Variants in MYL6B observed in about 807,000 individuals in gnomAD.
MYL6B encodes the protein myosin alkali light chain 1 slow a.
Under a neutral mutation model 24.5 loss-of-function variants are expected in MYL6B, and 19 were observed. The ratio of observed to expected loss-of-function variants is 0.78; its 90% CI spans 0.54 to 1.14. The LOEUF (loss-of-function observed/expected upper bound fraction) is 1.14, where lower values mean the gene tolerates loss of function less well. Ranked by LOEUF, MYL6B falls within the 50% of genes most tolerant of loss-of-function variation. MYL6B has a pLI of 0.00. For missense variants in MYL6B, 230 were observed against 263.8 expected (o/e 0.87, Z 0.89); for synonymous variants, 90 against 100.7 (o/e 0.89, Z 0.64).
Position 56,156,209 on chromosome 12 carries a change from G to T in MYL6B, c.520+617G>T, listed in dbSNP as rs192463369. On this transcript the variant is annotated intron_variant, in intron 5 of 6. Transcript: ENST00000553066. ...TAATCCCAGCTACCCAGGAGGCTGA[G>T]GCAGGAGAATCGCTGGAACCCGGGA... 382 of 185,576 alleles carry T rather than the reference G, an allele frequency of 2.1e-3. 4 individuals carry two copies. The highest frequency in any genetic ancestry group is 8.8e-3 in the African/African-American group (367 of 41,896). The allele number at this position is 185,576 out of a possible 1,614,324, so 11.5% of individuals were successfully genotyped here. A position where few individuals can be genotyped will look rare whatever the true frequency, so the allele number is the denominator to read the frequency against.
chr12:56,154,235 G>C, intron 2 of MYL6B, 143 bp downstream of exon 2: 1 of 819,578 alleles, frequency 1.2e-6, no homozygotes, highest in South Asian at 2.0e-5. Context: ...CCCCCATTTG[G>C]AAGCATCCAG....
intron 1 of MYL6B, among the ~76,000 whole-genome samples, chr12:56,153,060 G>A (rs574082277): frequency 6.6e-6 from 1 of 152,004 alleles, no homozygotes; most frequent in Non-Finnish European, 1.5e-5. Flanking sequence ...AATTTAAGCC[G>A]TCTCCCAGAG....
chr12:56,153,831 C>T, intron 1 of MYL6B, 42 bp from the exon 2 acceptor site: 1 of 1,401,418 alleles, frequency 7.1e-7, no homozygotes. Flanking sequence ...CTGCCCCTGC[C>T]CCCGCCCCTT....
rs539403351 is a variant in MYL6B, at chr12:56,154,801, T to G, written c.175-12T>G. On this transcript the variant is annotated splice_polypyrimidine_tract_variant and intron_variant, in intron 2 of 6. Coordinates refer to ENST00000553066, the Ensembl canonical transcript of MYL6B. The stretch of plus-strand genomic sequence containing the variant: ...ACTCTCATCTCTCCCCACCTGCTTT[T>G]TTCTTCCACAGATCGAGTTTAACAA... The G allele has an allele frequency of 2.0e-4, 316 of 1,612,466 alleles. 1 individual carries two copies. In the South Asian group the frequency reaches 3.4e-3, roughly 17 times the overall value.
At chr12:56,157,816 A>G in exon 7 of MYL6B, 10 of 1,508,148 alleles carry the variant, frequency 6.6e-6, no homozygotes, top group Non-Finnish European at 9.0e-6. Flanking sequence ...AAAGCAGCGG[A>G]GTTCATTCTG....
chr12:56,153,118 A>G (rs1272896208), intron 1 of MYL6B, among the ~76,000 whole-genome samples: 1 of 152,026 alleles, frequency 6.6e-6, no homozygotes, highest in Non-Finnish European at 1.5e-5. Flanking sequence ...CAGGTTCAGC[A>G]AGCACCCTAC....
intron 4 of MYL6B, 86 bp from the exon 5 acceptor site, chr12:56,155,333 T>C: frequency 2.5e-6 from 4 of 1,594,002 alleles, no homozygotes; most frequent in South Asian, 2.3e-5. Flanking sequence ...AAATGCTGAA[T>C]AGGATGAAAG....
chr12:56,157,655 A>G lies in MYL6B; in HGVS notation c.599-43A>G, dbSNP rs74092004. 3.0e-3 allele frequency: 4,890 copies of G among 1,613,388 alleles called. 120 individuals carry two copies. The African/African-American group carries it at 0.058, about 19-fold the overall frequency. On this transcript the variant is annotated intron_variant, in intron 6 of 6. Coordinates refer to ENST00000553066, the Ensembl canonical transcript of MYL6B. The stretch of plus-strand genomic sequence containing the variant: ...TTACCTAGAGTCAGATGTATTATCC[A>G]AAGGCCTGCTTCTGAAGCCCCTCTT...
At position 56,155,039 on chromosome 12, in the gene MYL6B, C is replaced by G. The variant is rs1412724229; in HGVS notation, c.203-16C>G. 3.7e-6 allele frequency: 6 copies of G among 1,603,176 alleles called. No homozygotes were observed. The highest frequency in any genetic ancestry group is 5.1e-6 in the Non-Finnish European group (6 of 1,174,840). ...ACCCTAGTCAGTGTCTACACTGACC[C>G]TTCCTTATACTTTAGAGTTCAAGGA... On this transcript the variant is annotated splice_polypyrimidine_tract_variant and intron_variant, in intron 3 of 6. Coordinates refer to ENST00000553066, the Ensembl canonical transcript of MYL6B.
At chr12:56,154,717 C>T in intron 2 of MYL6B, 96 bp from the exon 3 acceptor site, 1 of 1,415,100 alleles carries the variant, frequency 7.1e-7, no homozygotes, top group Non-Finnish European at 9.7e-7. Context: ...TCCCTTTGGG[C>T]CCCTCCTCAG....
chr12:56,154,680 A>T (rs1330996107), intron 2 of MYL6B, 133 bp from the exon 3 acceptor site: 2 of 944,556 alleles, frequency 2.1e-6, no homozygotes, highest in African/African-American at 1.7e-5. Flanking sequence ...TGGGAATGGG[A>T]CTGAGGTGGC....
At chr12:56,154,033 G>A in exon 2 of MYL6B, 1 of 1,614,110 alleles carries the variant, frequency 6.2e-7, no homozygotes. Flanking sequence ...AGCTGAGCCA[G>A]CTGTCCCCCA....
At position 56,155,039 on chromosome 12, in the gene MYL6B, C is replaced by T. The variant is rs1412724229; in HGVS notation, c.203-16C>T. ...ACCCTAGTCAGTGTCTACACTGACC[C>T]TTCCTTATACTTTAGAGTTCAAGGA... On this transcript the variant is annotated splice_polypyrimidine_tract_variant and intron_variant, in intron 3 of 6. Coordinates refer to ENST00000553066, the Ensembl canonical transcript of MYL6B. The T allele has an allele frequency of 5.6e-6, 9 of 1,603,058 alleles. No individual in the cohort carries two copies. The highest frequency in any genetic ancestry group is 2.2e-5 in the East Asian group (1 of 44,822).
exon 5 of MYL6B, chr12:56,155,442 T>C (rs1871270533): frequency 6.2e-7 from 1 of 1,614,186 alleles, no homozygotes; most frequent in Non-Finnish European, 8.5e-7. Context: ...GCGTGTGGAC[T>C]TTGAGACTTT....
chr12:56,154,478 G>A (rs949404446), intron 2 of MYL6B, among the ~76,000 whole-genome samples: 1 of 152,242 alleles, frequency 6.6e-6, no homozygotes, highest in Non-Finnish European at 1.5e-5. Flanking sequence ...AGGCTGAAGA[G>A]GACAGACTTG....
At chr12:56,153,675 G>C (rs1161397021) in intron 1 of MYL6B, 198 bp from the exon 2 acceptor site, 2 of 415,358 alleles carry the variant, frequency 4.8e-6, no homozygotes, top group African/African-American at 4.0e-5. Context: ...AGGAAACATT[G>C]TTCTTTTCTG....
chr12:56,157,509 G>A, exon 6 of MYL6B: 1 of 1,614,010 alleles, frequency 6.2e-7, no homozygotes. Flanking sequence ...CGTTCTGGCA[G>A]GACACGAGGA....
intron 5 of MYL6B, chr12:56,156,320 A>AAAG (rs1029774583): frequency 2.1e-5 from 3 of 145,620 alleles, no homozygotes; most frequent in African/African-American, 7.8e-5. Context: ...AAAAAAAAAA[A>AAAG]AAGGCCAGAC....
In MYL6B at chr12:56,155,428, C is replaced by T. The variant is rs779611293; in HGVS notation, c.356C>T (p.Ser119Leu). 12 of 1,614,124 alleles carry T rather than the reference C, an allele frequency of 7.4e-6. No individual in the cohort carries two copies. Among genetic ancestry groups the T allele is most frequent in the Middle Eastern group, 1.6e-4 (1 of 6,062 alleles). Residue 119 changes from serine (S) to leucine (L), a missense_variant, in exon 5 of 7, where the codon TCG becomes TTG. Coordinates refer to ENST00000553066, the Ensembl canonical transcript of MYL6B. ...TCTCTCCAACCTCCAGAGCTGAAGT[C>T]GCGGCGTGTGGACTTTGAGACTTTC...
Sources: gnomAD v4.1 joint callset for allele counts (sites outside exome capture counted in the v4.1 genomes callset) on GRCh38, gnomAD v4.1.1 for gene constraint, MANE v1.5 for transcripts, NCBI Gene and HGNC (gene_info 2026-07-23, HGNC 2026-07-21) for gene names.